SP100: variants seen among roughly 807,000 people sequenced by gnomAD.
SP100 encodes the protein SP100 nuclear body protein.
In SP100, 84 loss-of-function variants were observed where a neutral mutation model predicts 130.0. The ratio of observed to expected loss-of-function variants is 0.65; its 90% CI spans 0.54 to 0.77. The LOEUF is 0.77. Among genes scored for constraint, SP100 ranks in the 30% least tolerant of loss-of-function variants. SP100 has a pLI of 0.00. For synonymous variants in SP100, 331 were observed against 351.7 expected (o/e 0.94, Z 0.66); for missense variants, 978 against 1,052.2 (o/e 0.93, Z 0.97).
At chr2:230,462,546 G>A (rs775076136) in intron 10 of SP100, 28 bp downstream of exon 10, 62 of 1,535,462 alleles carry the variant, frequency 4.0e-5, no homozygotes, top group Middle Eastern at 3.4e-4. Context: ...AGCAAGGCTT[G>A]GGCTGTGGGA....
At chr2:230,432,600 A>C (rs965133677) in intron 2 of SP100, among the ~76,000 whole-genome samples, 1 of 152,162 alleles carries the variant, frequency 6.6e-6, no homozygotes, top group East Asian at 1.9e-4. Context: ...TTCTCTAATA[A>C]TGAATGCTAC....
intron 2 of SP100, among the ~76,000 whole-genome samples, chr2:230,424,945 A>G (rs1007834458): frequency 2.0e-5 from 3 of 152,212 alleles, no homozygotes; most frequent in African/African-American, 2.4e-5. Flanking sequence ...AACACAGACC[A>G]TGATATAATT....
intron 24 of SP100, among the ~76,000 whole-genome samples, chr2:230,521,299 C>T (rs2150096421): frequency 6.6e-6 from 1 of 152,248 alleles, no homozygotes; most frequent in South Asian, 2.1e-4. Context: ...CTCCATTTGT[C>T]TTATCAGAGG....
intron 2 of SP100, among the ~76,000 whole-genome samples, chr2:230,439,280 G>A (rs1030591334): frequency 4.6e-5 from 7 of 151,972 alleles, no homozygotes; most frequent in African/African-American, 1.2e-4. Flanking sequence ...GGCAATGTGG[G>A]CCCTTTTTTG....
chr2:230,475,196 A>G (rs2065479354), intron 17 of SP100, among the ~76,000 whole-genome samples: 1 of 152,088 alleles, frequency 6.6e-6, no homozygotes. Flanking sequence ...CCTCACCAGC[A>G]TCTGTTATTT....
chr2:230,416,913 C>T (rs1339712561), intron 1 of SP100: 3 of 984,750 alleles, frequency 3.0e-6, no homozygotes, highest in Non-Finnish European at 2.4e-6. Flanking sequence ...TCATTTTTAC[C>T]TCAATTTCCT....
intron 4 of SP100, among the ~76,000 whole-genome samples, chr2:230,445,589 A>T (rs540090865): frequency 6.6e-6 from 1 of 152,294 alleles, no homozygotes; most frequent in Admixed American, 6.5e-5. Flanking sequence ...TGTCAATACT[A>T]ACCTTATCTA....
At chr2:230,469,815 C>T in intron 14 of SP100, 200 bp from the exon 15 acceptor site, 1 of 1,485,084 alleles carries the variant, frequency 6.7e-7, no homozygotes, top group Non-Finnish European at 9.0e-7. Flanking sequence ...ATGTCATCCC[C>T]AGCCCCAGCC....
At chr2:230,534,982 G>T (rs1052296311) in intron 24 of SP100, among the ~76,000 whole-genome samples, 11 of 151,990 alleles carry the variant, frequency 7.2e-5, no homozygotes, top group African/African-American at 2.7e-4. Flanking sequence ...GGATCACAAG[G>T]TCAGGAGTTC....
At chr2:230,447,721 T>C (rs1372143185) in intron 5 of SP100, among the ~76,000 whole-genome samples, 1 of 152,230 alleles carries the variant, frequency 6.6e-6, no homozygotes, top group Non-Finnish European at 1.5e-5. Flanking sequence ...GGCACTTCCA[T>C]GTGTTTGCCA....
chr2:230,443,181 G>A (rs534001620), intron 3 of SP100, 82 bp downstream of exon 3: 1 of 1,405,270 alleles, frequency 7.1e-7, no homozygotes, highest in South Asian at 1.2e-5. Context: ...CAAAACTTCA[G>A]GGTACAATTT....
At chr2:230,417,322 C>T (rs2062628428) in intron 1 of SP100, among the ~76,000 whole-genome samples, 1 of 152,022 alleles carries the variant, frequency 6.6e-6, no homozygotes. Flanking sequence ...ATCTTTTAAC[C>T]TTAATACATA....
At chr2:230,502,579 C>T (rs1026203098) in intron 19 of SP100, among the ~76,000 whole-genome samples, 3 of 152,194 alleles carry the variant, frequency 2.0e-5, no homozygotes, top group Non-Finnish European at 4.4e-5. Flanking sequence ...TAGCTCCTGG[C>T]ATACAACAAG....
intron 10 of SP100, 84 bp from the exon 11 acceptor site, chr2:230,463,983 G>C: frequency 1.1e-6 from 1 of 933,720 alleles, no homozygotes; most frequent in Non-Finnish European, 1.7e-6. Context: ...AGGTTTTCCA[G>C]GTTTTCTTAT....
chr2:230,432,905 T>C (rs2149879680), intron 2 of SP100, among the ~76,000 whole-genome samples: 1 of 152,314 alleles, frequency 6.6e-6, no homozygotes, highest in East Asian at 1.9e-4. Context: ...ATTCTTTGTC[T>C]TACCTAAAGT....
chr2:230,453,823 G>T (rs1182946877), intron 8 of SP100, among the ~76,000 whole-genome samples: 1 of 152,126 alleles, frequency 6.6e-6, no homozygotes, highest in Non-Finnish European at 1.5e-5. Context: ...AAATGAGTTT[G>T]GAAGTAGTCC....
chr2:230,522,562 C>T (rs1189975450), intron 24 of SP100, among the ~76,000 whole-genome samples: 2 of 139,754 alleles, frequency 1.4e-5, no homozygotes, highest in African/African-American at 5.4e-5. Context: ...GATCTCAGCT[C>T]ACTGCTACCT....
At chr2:230,461,694 A>G (rs2064646789) in intron 9 of SP100, among the ~76,000 whole-genome samples, 1 of 152,068 alleles carries the variant, frequency 6.6e-6, no homozygotes, top group African/African-American at 2.4e-5. Context: ...CATGCCTGTA[A>G]CCCCAGAACT....
chr2:230,469,292 C>T (rs988679454), intron 14 of SP100, among the ~76,000 whole-genome samples, 196 bp downstream of exon 14: 16 of 152,128 alleles, frequency 1.1e-4, no homozygotes, highest in African/African-American at 3.9e-4. Flanking sequence ...GGCACAAGTG[C>T]AACATAAGTT....
Sources: allele counts gnomAD v4.1 joint callset (sites outside exome capture counted in the v4.1 genomes callset), GRCh38; gene constraint gnomAD v4.1.1; transcripts MANE v1.5; gene names NCBI Gene and HGNC (gene_info 2026-07-23, HGNC 2026-07-21).